NCOA2: variants seen among roughly 807,000 people sequenced by gnomAD.
The protein encoded by NCOA2 is nuclear receptor coactivator 2, also known as class E basic helix-loop-helix protein 75.
Under a neutral mutation model 145.1 loss-of-function variants are expected in NCOA2, and 21 were observed. That is an observed-to-expected ratio of 0.14 (90% CI 0.10 to 0.21). NCOA2 has a LOEUF of 0.21. NCOA2 is among the 10% of genes least tolerant of loss of function. The pLI, the probability that NCOA2 is intolerant of heterozygous loss-of-function variation, is 1.00. For synonymous variants in NCOA2, 619 were observed against 637.5 expected, an observed-to-expected ratio of 0.97 and a Z score of 0.44; for missense variants, 1,472 against 1,837.6, an observed-to-expected ratio of 0.80 and a Z score of 3.64.
At chr8:70,264,656 G>A (rs997294039) in intron 2 of NCOA2, among the ~76,000 whole-genome samples, 2 of 152,170 alleles carry the variant, frequency 1.3e-5, no homozygotes, top group South Asian at 2.1e-4. Context: ...TAAAGAAACT[G>A]TCATATCTAT....
intron 2 of NCOA2, among the ~76,000 whole-genome samples, chr8:70,269,410 C>T (rs1440000428): frequency 1.3e-5 from 2 of 151,770 alleles, no homozygotes; most frequent in East Asian, 1.9e-4. Flanking sequence ...GGGATAAGGA[C>T]CAGGAGTTCA....
intron 4 of NCOA2, among the ~76,000 whole-genome samples, chr8:70,200,818 G>A (rs190696008): frequency 7.9e-5 from 12 of 152,190 alleles, no homozygotes; most frequent in African/African-American, 1.7e-4. Flanking sequence ...AGCACTTTGG[G>A]AGGTCGAGGT....
At chr8:70,240,025 C>T (rs1737184711) in intron 2 of NCOA2, among the ~76,000 whole-genome samples, 1 of 152,146 alleles carries the variant, frequency 6.6e-6, no homozygotes, top group South Asian at 2.1e-4. Flanking sequence ...ATTTCCATAT[C>T]TAGACTATCA....
the NCOA2 span, among the ~76,000 whole-genome samples, chr8:70,442,962 G>A: frequency 6.6e-6 from 1 of 152,156 alleles, no homozygotes; most frequent in Non-Finnish European, 1.5e-5. Flanking sequence ...TTACGGGTAA[G>A]CATCCGTACG....
chr8:70,132,094 C>A (rs1225232820), intron 15 of NCOA2, 92 bp from the exon 16 acceptor site: 16 of 1,336,408 alleles, frequency 1.2e-5, no homozygotes, highest in Non-Finnish European at 2.0e-6. Flanking sequence ...TATCAATTGA[C>A]TTCCAGGGTT....
intron 1 of NCOA2, among the ~76,000 whole-genome samples, chr8:70,313,081 G>T (rs1025648241): frequency 6.6e-6 from 1 of 152,102 alleles, no homozygotes; most frequent in Admixed American, 6.5e-5. Context: ...AACATTTACA[G>T]GTAAAGGGGA....
Position 70,214,018 on chromosome 8 carries a change from T to C in NCOA2, c.144A>G (p.Glu48=). ...AATTTGCAAAAATCAACTCTGCAAG[T>C]TCTTCTATATATTTATTTTCCTGTT... ...NREQENKYIE[E]LAELIFANFN... The change falls in exon 4 of 23, where the codon GAA becomes GAG. Residue 48 remains glutamate (E), a synonymous_variant. Coordinates refer to ENST00000452400, the MANE Select transcript of NCOA2 (RefSeq NM_006540.4). 1 of 1,612,170 alleles carries C rather than the reference T, an allele frequency of 6.2e-7. No homozygotes were observed. Among genetic ancestry groups the C allele is most frequent in the African/African-American group, 1.3e-5 (1 of 74,924 alleles).
intron 12 of NCOA2, among the ~76,000 whole-genome samples, chr8:70,147,094 G>A (rs2131979232): frequency 6.6e-6 from 1 of 151,756 alleles, no homozygotes. Flanking sequence ...GGTTTGAGAG[G>A]TCACATGCAA....
chr8:70,257,486 A>G (rs1823726439), intron 2 of NCOA2, among the ~76,000 whole-genome samples: 1 of 152,202 alleles, frequency 6.6e-6, no homozygotes, highest in Non-Finnish European at 1.5e-5. Context: ...AGGAAAAGAC[A>G]TAGTATGTAA....
intron 19 of NCOA2, among the ~76,000 whole-genome samples, chr8:70,125,095 G>A (rs74982167): frequency 0.029 from 4,442 of 152,094 alleles, 230 homozygotes; most frequent in African/African-American, 0.1. Context: ...ATGGTGCCTA[G>A]GAACCATTAA....
intron 1 of NCOA2, among the ~76,000 whole-genome samples, chr8:70,373,815 G>A (rs1036921836): frequency 2.0e-5 from 3 of 152,086 alleles, no homozygotes; most frequent in Non-Finnish European, 4.4e-5. Context: ...ACAATTGACC[G>A]TATAACGTGG....
intron 15 of NCOA2, among the ~76,000 whole-genome samples, chr8:70,132,249 C>T (rs938500947): frequency 1.3e-5 from 2 of 152,178 alleles, no homozygotes; most frequent in Admixed American, 6.5e-5. Context: ...TCCCACTTCA[C>T]GGCTGGCAAA....
intron 2 of NCOA2, among the ~76,000 whole-genome samples, chr8:70,260,749 G>A (rs145638522): frequency 1.2e-3 from 176 of 152,298 alleles, no homozygotes; most frequent in South Asian, 3.5e-3. Flanking sequence ...AGCAGGAACA[G>A]TAACACTTAT....
chr8:70,236,808 T>C (rs1388633919), intron 2 of NCOA2, among the ~76,000 whole-genome samples: 1 of 152,216 alleles, frequency 6.6e-6, no homozygotes, highest in Non-Finnish European at 1.5e-5. Flanking sequence ...ATGCGCATTA[T>C]ATGCAATTAC....
the NCOA2 span, among the ~76,000 whole-genome samples, chr8:70,447,753 T>C: frequency 9.1e-3 from 1,303 of 142,438 alleles, 20 homozygotes; most frequent in Middle Eastern, 0.017. Flanking sequence ...GGCGCCACCA[T>C]GGCTCACTGC....
intron 4 of NCOA2, among the ~76,000 whole-genome samples, chr8:70,189,724 G>T (rs764330871): frequency 6.6e-6 from 1 of 152,234 alleles, no homozygotes; most frequent in Non-Finnish European, 1.5e-5. Flanking sequence ...CTCTTATAGG[G>T]TTTAGGGTGC....
intron 6 of NCOA2, among the ~76,000 whole-genome samples, chr8:70,167,734 ATATT>A (rs1311100993): frequency 5.3e-5 from 8 of 152,232 alleles, no homozygotes; most frequent in Admixed American, 3.9e-4. Context: ...AAAAAAGTAT[ATATT>A]TAAGAATGAG....
chr8:70,391,759 C>A (rs570603186), intron 1 of NCOA2, among the ~76,000 whole-genome samples: 2 of 152,232 alleles, frequency 1.3e-5, no homozygotes, highest in East Asian at 3.9e-4. Flanking sequence ...AGGGAGAGAA[C>A]AAAATGCAAT....
the NCOA2 span, among the ~76,000 whole-genome samples, chr8:70,431,082 T>A: frequency 6.6e-6 from 1 of 152,306 alleles, no homozygotes; most frequent in East Asian, 1.9e-4. Context: ...GAAAGTGTGA[T>A]TTTATTCCAT....
Sources: gnomAD v4.1 joint callset for allele counts (sites outside exome capture counted in the v4.1 genomes callset) on GRCh38, gnomAD v4.1.1 for gene constraint, MANE v1.5 for transcripts, NCBI Gene and HGNC (gene_info 2026-07-23, HGNC 2026-07-21) for gene names.